STIMATE: variants seen among roughly 807,000 people sequenced by gnomAD.
STIMATE encodes the protein store-operated calcium entry regulator STIMATE.
STIMATE carries 15 observed loss-of-function variants against 36.7 expected under a neutral mutation model. That is an observed-to-expected ratio of 0.41 (90% CI 0.27 to 0.63). The LOEUF (loss-of-function observed/expected upper bound fraction) is 0.63. Ranked by LOEUF, STIMATE falls within the 20% of genes least tolerant of loss-of-function variation. The probability of loss-of-function intolerance (pLI) is 0.32; values close to 1 mark genes in which losing one functional copy is unlikely to be tolerated. For missense variants in STIMATE, 305 were observed against 397.3 expected, an observed-to-expected ratio of 0.77 and a Z score of 1.98; for synonymous variants, 163 against 162.3, an observed-to-expected ratio of 1.00 and a Z score of -0.03.
At chr3:52,892,523 G>A (rs910506303) in intron 1 of STIMATE, among the ~76,000 whole-genome samples, 2 of 152,204 alleles carry the variant, frequency 1.3e-5, no homozygotes, top group Admixed American at 6.5e-5. Flanking sequence ...AAAGGACAGC[G>A]ACACTGATTG....
chr3:52,868,229 A>C (rs540478192), intron 1 of STIMATE, among the ~76,000 whole-genome samples: 1 of 152,286 alleles, frequency 6.6e-6, no homozygotes, highest in Non-Finnish European at 1.5e-5. Context: ...CTGCTTCCCA[A>C]ATCCATTCTC....
rs551528603 is a variant in STIMATE, at chr3:52,859,141, G to A, written c.161-3697C>T. Among the ~76,000 whole-genome samples the A allele has an allele frequency of 2.2e-4, 31 of 142,798 alleles. No individual in the cohort carries two copies. The East Asian group carries it at 4.9e-3, about 23-fold the overall frequency. The allele number at this position is 142,798 out of a possible 152,430, so 93.7% of individuals were successfully genotyped here. On this transcript the variant is annotated intron_variant, in intron 1 of 7. Transcript: ENST00000355083. ...TGCACCACTGCACTCCAGCCTGGGC[G>A]ACAAGAGCGAGACTCCATCTCAAAA... is the stretch of plus-strand genomic sequence containing the variant.
At chr3:52,855,816 C>T (rs977901390) in intron 1 of STIMATE, among the ~76,000 whole-genome samples, 9 of 152,204 alleles carry the variant, frequency 5.9e-5, no homozygotes, top group Non-Finnish European at 8.8e-5. Flanking sequence ...TCAACTCAAA[C>T]GTTTACTGAG....
chr3:52,860,532 CTG>C (rs1263766343), intron 1 of STIMATE, among the ~76,000 whole-genome samples: 1 of 151,906 alleles, frequency 6.6e-6, no homozygotes, highest in African/African-American at 2.4e-5. Flanking sequence ...CCACGTGGGC[CTG>C]TGTGTGGTGG....
At position 52,895,972 on chromosome 3, in the gene STIMATE, G is replaced by A. The variant is rs1032838267; in HGVS notation, c.160+1319C>T. ...AAATTATTACTGTGGGAACAAGTGGGTATTTGTTTAGCAGAGAAAAAGCAA... is the reference window on the plus strand; with the variant it reads ...AAATTATTACTGTGGGAACAAGTGGATATTTGTTTAGCAGAGAAAAAGCAA... On this transcript the variant is annotated intron_variant, in intron 1 of 7. Coordinates refer to ENST00000355083, the MANE Select transcript of STIMATE (RefSeq NM_198563.5). The A allele has an allele frequency of 3.2e-5, 41 of 1,288,478 alleles. 1 individual carries two copies. Among genetic ancestry groups the A allele is most frequent in the Non-Finnish European group, 3.9e-5 (39 of 987,796 alleles). The allele number at this position is 1,288,478 out of a possible 1,614,324, so 79.8% of individuals were successfully genotyped here.
At chr3:52,854,211 C>A (rs534677886) in intron 2 of STIMATE, among the ~76,000 whole-genome samples, 1 of 152,160 alleles carries the variant, frequency 6.6e-6, no homozygotes, top group African/African-American at 2.4e-5. Flanking sequence ...GGTCCTGATA[C>A]GAGCACCTAA....
chr3:52,895,845 A>C, intron 1 of STIMATE: 1 of 1,266,462 alleles, frequency 7.9e-7, no homozygotes, highest in Non-Finnish European at 1.0e-6. Context: ...TCTGGAGGAC[A>C]GAGAAGTAGG....
chr3:52,887,994 GTTTTTTTTT>G lies in STIMATE; in HGVS notation c.160+9288_160+9296del, dbSNP rs71087029. On this transcript the variant is annotated intron_variant, in intron 1 of 7. Coordinates refer to ENST00000355083, the MANE Select transcript of STIMATE (RefSeq NM_198563.5). ...GCTCTAACTTCATATAACAGAATCA[GTTTTTTTTT>G]TTTTTTTTTTTTTTTTTTGCCAGTA... 1.9e-3 allele frequency among the ~76,000 whole-genome samples: 100 copies of G among 52,716 alleles called. 1 individual carries two copies. The highest frequency in any genetic ancestry group is 3.5e-3 in the South Asian group (3 of 854). 34.6% of individuals were successfully genotyped at this position (52,716 alleles called of 152,430 possible).
chr3:52,870,842 C>T (rs1701390529), intron 1 of STIMATE, among the ~76,000 whole-genome samples: 1 of 152,140 alleles, frequency 6.6e-6, no homozygotes, highest in Admixed American at 6.5e-5. Flanking sequence ...CAGCAGAGTG[C>T]TGAGGTCAGG....
At position 52,840,579 on chromosome 3, in the gene STIMATE, T is replaced by C; in HGVS notation, c.800A>G (p.Glu267Gly). The part of the protein sequence containing the change: ...ILISADDEME[E>G]SDVEEDLRRL... ...GCGGAGGTCCTCCTCCACGTCGGAC[T>C]CCTCCATCTCATCATCCGCTGAGAT... The change falls in exon 8 of 8, where the codon GAG becomes GGG. Residue 267 changes from glutamate (E) to glycine (G), a missense_variant. By Grantham distance (98) the Glu-to-Gly change is moderately conservative. Around this residue, in one of 3 missense-constraint regions of STIMATE, gnomAD observed 84 missense variants for 82.4 expected, o/e 1.02. Transcript: ENST00000355083. 6.2e-7 allele frequency: 1 copy of C among 1,613,786 alleles called. No homozygotes were observed. Among genetic ancestry groups the C allele is most frequent in the South Asian group, 1.1e-5 (1 of 91,060 alleles).
At chr3:52,847,930 G>C (rs1438436769) in intron 4 of STIMATE, among the ~76,000 whole-genome samples, 2 of 152,128 alleles carry the variant, frequency 1.3e-5, no homozygotes, top group African/African-American at 4.8e-5. Context: ...CGGAAGGAGG[G>C]GCCGCGAGCC....
intron 4 of STIMATE, 80 bp downstream of exon 4, chr3:52,849,712 G>T: frequency 6.5e-7 from 1 of 1,527,142 alleles, no homozygotes; most frequent in Non-Finnish European, 8.8e-7. Flanking sequence ...GGATCTGTTT[G>T]CCTGGTGGGC....
intron 1 of STIMATE, among the ~76,000 whole-genome samples, chr3:52,877,834 G>A (rs375583745): frequency 1.4e-3 from 214 of 152,250 alleles, no homozygotes; most frequent in South Asian, 5.2e-3. Flanking sequence ...GGTGGCTCAC[G>A]CCTGTAATCC....
chr3:52,875,430 C>T (rs533495220), intron 1 of STIMATE, among the ~76,000 whole-genome samples: 9 of 152,298 alleles, frequency 5.9e-5, no homozygotes, highest in Admixed American at 2.0e-4. Flanking sequence ...AATCTCTCTG[C>T]CTCCTAGTCA....
chr3:52,866,348 C>T (rs1701310524), intron 1 of STIMATE, among the ~76,000 whole-genome samples: 1 of 152,250 alleles, frequency 6.6e-6, no homozygotes, highest in African/African-American at 2.4e-5. Context: ...GCCAGGGCAC[C>T]TGCGGGGCTT....
intron 1 of STIMATE, among the ~76,000 whole-genome samples, chr3:52,893,169 GCTATAAAAGA>G (rs1257750228): frequency 6.6e-6 from 1 of 152,148 alleles, no homozygotes; most frequent in Non-Finnish European, 1.5e-5. Context: ...AAAAACTCCA[GCTATAAAAGA>G]CTTGTGACAT....
intron 4 of STIMATE, among the ~76,000 whole-genome samples, chr3:52,845,979 C>A (rs1700892288): frequency 1.3e-5 from 2 of 152,128 alleles, no homozygotes; most frequent in East Asian, 1.9e-4. Context: ...GTAATCCAGG[C>A]TATGAGAAGA....
chr3:52,871,154 G>C (rs1348169554), intron 1 of STIMATE, among the ~76,000 whole-genome samples: 1 of 152,092 alleles, frequency 6.6e-6, no homozygotes, highest in Non-Finnish European at 1.5e-5. Context: ...TCAAAACCAA[G>C]ATATTTTCAT....
chr3:52,895,956 C>T, intron 1 of STIMATE: 2 of 1,289,720 alleles, frequency 1.6e-6, no homozygotes, highest in Non-Finnish European at 2.0e-6. Context: ...CAAATTATTA[C>T]TGTGGGAACA....
Sources: gnomAD v4.1 joint callset for allele counts (sites outside exome capture counted in the v4.1 genomes callset) on GRCh38, gnomAD v4.1.1 for gene constraint, gnomAD v4.1.1 regional missense constraint, MANE v1.5 for transcripts, NCBI Gene and HGNC (gene_info 2026-07-23, HGNC 2026-07-21) for gene names.